Variants in NUP153 observed in about 807,000 individuals in gnomAD.
NUP153 encodes the protein nuclear pore complex protein Nup153.
Under a neutral mutation model 134.6 loss-of-function variants are expected in NUP153, and 27 were observed. The observed-to-expected ratio is 0.20, with a 90% CI of 0.15 to 0.28. The LOEUF (loss-of-function observed/expected upper bound fraction) is 0.28. Ranked by LOEUF, NUP153 falls within the 10% of genes least tolerant of loss-of-function variation. NUP153 has a pLI of 1.00. For missense variants in NUP153, 1,821 were observed against 1,731.3 expected (o/e 1.05, Z -0.92); for synonymous variants, 640 against 623.5 (o/e 1.03, Z -0.40).
chr6:17,651,696 G>GT (rs1171216658), intron 11 of NUP153: 29 of 384,864 alleles, frequency 7.5e-5, no homozygotes, highest in South Asian at 1.2e-4. Context: ...ATTTCCAAAA[G>GT]TTTTTTTTAA....
intron 2 of NUP153, among the ~76,000 whole-genome samples, chr6:17,679,397 G>A (rs1042530448): frequency 2.0e-4 from 31 of 152,126 alleles, no homozygotes; most frequent in African/African-American, 6.3e-4. Context: ...AATATCCCAC[G>A]TACATGGACT....
chr6:17,668,821 T>C (rs1352027350), intron 8 of NUP153, among the ~76,000 whole-genome samples, 154 bp downstream of exon 8: 2 of 151,848 alleles, frequency 1.3e-5, no homozygotes, highest in East Asian at 3.9e-4. Flanking sequence ...CCAGTCTGGA[T>C]GACAGAGCGA....
At chr6:17,651,241 T>G (rs1766478884) in intron 11 of NUP153, among the ~76,000 whole-genome samples, 1 of 152,108 alleles carries the variant, frequency 6.6e-6, no homozygotes, top group Non-Finnish European at 1.5e-5. Flanking sequence ...AGTTCGAGGC[T>G]GTAGTGGGCC....
chr6:17,637,662 A>T lies in NUP153; in HGVS notation c.1955T>A (p.Phe652Tyr), dbSNP rs149312629. ...TGACCCAGCTTTTAAACTCTCCCCAAACCCAATTCCACTAGAAGAAAAGCT... is the reference window on the plus strand; with the variant it reads ...TGACCCAGCTTTTAAACTCTCCCCATACCCAATTCCACTAGAAGAAAAGCT... ...ISSFSSSGIG[F>Y]GESLKAGSSW... is the part of the protein sequence containing the mutation. The change falls in exon 16 of 22, where the codon TTT becomes TAT. Residue 652 changes from phenylalanine (F) to tyrosine (Y), a missense_variant. Transcript: ENST00000262077. The T allele has an allele frequency of 3.0e-5, 49 of 1,613,504 alleles. No homozygotes were observed. In the African/African-American group the frequency reaches 5.6e-4, roughly 18 times the overall value.
At chr6:17,640,711 G>A (rs986091302) in intron 14 of NUP153, among the ~76,000 whole-genome samples, 2 of 152,072 alleles carry the variant, frequency 1.3e-5, no homozygotes, top group African/African-American at 4.8e-5. Flanking sequence ...CAAACTCCTG[G>A]GCTTAAGCAA....
intron 1 of NUP153, among the ~76,000 whole-genome samples, chr6:17,698,331 G>A (rs548573415): frequency 1.3e-5 from 2 of 152,278 alleles, no homozygotes; most frequent in African/African-American, 2.4e-5. Context: ...CGTGGCTCAC[G>A]CCTGTAATCT....
intron 1 of NUP153, among the ~76,000 whole-genome samples, chr6:17,699,801 C>T (rs1454823903): frequency 6.6e-6 from 1 of 152,114 alleles, no homozygotes; most frequent in Non-Finnish European, 1.5e-5. Context: ...CAGCATGGCA[C>T]TCCAGCCTGG....
intron 1 of NUP153, among the ~76,000 whole-genome samples, chr6:17,699,110 T>C (rs1581784870): frequency 6.6e-6 from 1 of 152,206 alleles, no homozygotes; most frequent in African/African-American, 2.4e-5. Flanking sequence ...CAGCAAGACT[T>C]GAAACCAAAC....
intron 2 of NUP153, among the ~76,000 whole-genome samples, chr6:17,685,322 T>C (rs1378739188): frequency 6.6e-6 from 1 of 151,746 alleles, no homozygotes; most frequent in African/African-American, 2.4e-5. Flanking sequence ...CTGAGGAAGG[T>C]GGATCATGAG....
chr6:17,703,848 G>C (rs1397071996), intron 1 of NUP153, among the ~76,000 whole-genome samples: 2 of 152,102 alleles, frequency 1.3e-5, no homozygotes, highest in Non-Finnish European at 2.9e-5. Context: ...AAGTATTTTA[G>C]ATAAGGGGCA....
intron 16 of NUP153, among the ~76,000 whole-genome samples, chr6:17,636,502 A>G (rs1018146938): frequency 1.3e-5 from 2 of 152,156 alleles, no homozygotes; most frequent in African/African-American, 4.8e-5. Context: ...TGCATTGAAA[A>G]CAGTGTAATT....
intron 1 of NUP153, among the ~76,000 whole-genome samples, chr6:17,698,881 AAAG>A (rs919789986): frequency 2.0e-5 from 3 of 152,056 alleles, no homozygotes; most frequent in African/African-American, 4.8e-5. Context: ...AAAAAAAAAA[AAAG>A]AAAACTCAAT....
intron 2 of NUP153, among the ~76,000 whole-genome samples, chr6:17,678,051 T>C (rs935936134): frequency 6.6e-6 from 1 of 152,052 alleles, no homozygotes; most frequent in Non-Finnish European, 1.5e-5. Flanking sequence ...GCTTCTAATG[T>C]TTCACCATTA....
rs1768199407 is a variant in NUP153 at position 17,675,943 on chromosome 6, C to T, written c.335-173G>A. ...ACTCCTAGGCAAAACAAAGTTTCAA[C>T]TAACTAAAATTAATTTAAATAAGAG... On this transcript the variant is annotated intron_variant, in intron 2 of 21. Coordinates refer to ENST00000262077, the MANE Select transcript of NUP153 (RefSeq NM_005124.4). This position sits in a 1 kb window ranked among gnomAD's most constrained non-coding sequence, Gnocchi z 4.4. Among the ~76,000 whole-genome samples the T allele has an allele frequency of 6.6e-6, 1 of 152,118 alleles. No individual in the cohort carries two copies. Among genetic ancestry groups the T allele is most frequent in the East Asian group, 1.9e-4 (1 of 5,196 alleles).
At chr6:17,688,644 A>T in intron 1 of NUP153, 26 bp from the exon 2 acceptor site, 7 of 1,546,844 alleles carry the variant, frequency 4.5e-6, no homozygotes, top group Non-Finnish European at 6.2e-6. Context: ...ACATATTATG[A>T]CAGTTTTAGA....
At chr6:17,690,202 A>T (rs1769189698) in intron 1 of NUP153, among the ~76,000 whole-genome samples, 2 of 150,254 alleles carry the variant, frequency 1.3e-5, no homozygotes, top group Admixed American at 1.3e-4. Context: ...AATACAAAAA[A>T]TTAGCCAGGC....
At chr6:17,656,364 T>C (rs533596738) in intron 11 of NUP153, among the ~76,000 whole-genome samples, 14 of 152,250 alleles carry the variant, frequency 9.2e-5, no homozygotes, top group Admixed American at 3.9e-4. Flanking sequence ...AATTGGCAGT[T>C]GGCCAGAATG....
chr6:17,628,532 T>C lies in NUP153; in HGVS notation c.3544+123A>G. 2.2e-6 allele frequency: 1 copy of C among 455,602 alleles called. No individual in the cohort carries two copies. Among genetic ancestry groups the C allele is most frequent in the Non-Finnish European group, 3.4e-6 (1 of 290,312 alleles). The allele number at this position is 455,602 out of a possible 1,614,324, so 28.2% of individuals were successfully genotyped here. A position where few individuals can be genotyped will look rare whatever the true frequency, so the allele number is the denominator to read the frequency against. ...CTAGGTTCCTTCCCAAAGAGTTCTG[T>C]ATTTCTCAACTATGTTCAGTGTAAA... On this transcript the variant is annotated intron_variant, in intron 18 of 21. Coordinates refer to ENST00000262077, the MANE Select transcript of NUP153 (RefSeq NM_005124.4). The surrounding 1 kb of genome is among the most constrained non-coding windows in gnomAD (Gnocchi z 5.4).
intron 5 of NUP153, among the ~76,000 whole-genome samples, chr6:17,671,329 G>A (rs778153391): frequency 6.6e-6 from 1 of 151,952 alleles, no homozygotes; most frequent in African/African-American, 2.4e-5. Context: ...AAAGGTACTG[G>A]GAAGTGTTCC....
Sources: allele counts gnomAD v4.1 joint callset (sites outside exome capture counted in the v4.1 genomes callset), GRCh38; gene constraint gnomAD v4.1.1; non-coding constraint Gnocchi (gnomAD v3.1); transcripts MANE v1.5; gene names NCBI Gene and HGNC (gene_info 2026-07-23, HGNC 2026-07-21).